TPO: variants seen among roughly 807,000 people sequenced by gnomAD.
The protein encoded by TPO is thyroid peroxidase.
TPO carries 78 observed loss-of-function variants against 96.9 expected under a neutral mutation model. That is an observed-to-expected ratio of 0.81 (90% CI 0.67 to 0.97). The LOEUF (loss-of-function observed/expected upper bound fraction) is 0.97. Among genes scored for constraint, TPO ranks in the 50% least tolerant of loss-of-function variants. TPO has a pLI of 0.00. For missense variants in TPO, 1,252 were observed against 1,274.8 expected (o/e 0.98, Z 0.27); for synonymous variants, 547 against 538.0 (o/e 1.02, Z -0.23).
rs555712648 is a variant in TPO, at chr2:1,503,713, AGT to A, written c.2387-229_2387-228del. On this transcript the variant is annotated intron_variant, in intron 13 of 16. Transcript: ENST00000329066. ...TGTGACTCGGGCCTGAGTGAGCCCC[AGT>A]GTGTGGACTCCCTGCAGGCTCAGAG... 4.1e-5 allele frequency: 30 copies of A among 733,174 alleles called. No homozygotes were observed. In the Middle Eastern group the frequency reaches 1.1e-3, roughly 26 times the overall value. 45.4% of individuals were successfully genotyped at this position (733,174 alleles called of 1,614,324 possible).
intron 11 of TPO, among the ~76,000 whole-genome samples, chr2:1,495,611 C>T (rs1177501366): frequency 6.6e-6 from 1 of 152,238 alleles, no homozygotes; most frequent in Non-Finnish European, 1.5e-5. Flanking sequence ...AGCAAAGTGG[C>T]TCTGAGCCCC....
intron 14 of TPO, chr2:1,513,393 A>G (rs60603183): frequency 0.39 from 60,084 of 152,136 alleles, 11,970 homozygotes; most frequent in East Asian, 0.55. Context: ...ACCAGGGCCC[A>G]TGTCTGAGAG....
chr2:1,441,813 G>A (rs915299969), intron 5 of TPO, among the ~76,000 whole-genome samples: 1 of 152,172 alleles, frequency 6.6e-6, no homozygotes, highest in African/African-American at 2.4e-5. Context: ...GTTTTAGTGT[G>A]TAGCTTGGCA....
At chr2:1,529,900 T>G (rs1677656116) in intron 15 of TPO, among the ~76,000 whole-genome samples, 1 of 101,538 alleles carries the variant, frequency 9.8e-6, no homozygotes, top group Non-Finnish European at 1.9e-5. Flanking sequence ...TCCCTCCCAC[T>G]CTGTGCAAAC....
intron 1 of TPO, among the ~76,000 whole-genome samples, chr2:1,397,575 G>A (rs748754440): frequency 2.0e-5 from 3 of 152,218 alleles, no homozygotes; most frequent in Non-Finnish European, 2.9e-5. Flanking sequence ...GCCCTCTGCT[G>A]TTCCTGAGTC....
chr2:1,478,172 T>A (rs1213936868), intron 8 of TPO: 4 of 985,350 alleles, frequency 4.1e-6, no homozygotes. Flanking sequence ...ATGACTTTCT[T>A]AAGTATCACA....
At chr2:1,538,252 T>G (rs1680308274) in intron 15 of TPO, among the ~76,000 whole-genome samples, 1 of 152,032 alleles carries the variant, frequency 6.6e-6, no homozygotes. Context: ...TTAGTAAGAG[T>G]GCAGTTAATA....
intron 3 of TPO, among the ~76,000 whole-genome samples, chr2:1,431,775 A>C (rs753281636): frequency 1.3e-5 from 2 of 152,248 alleles, no homozygotes; most frequent in Non-Finnish European, 2.9e-5. Context: ...GTTATTATTA[A>C]TAAACAAAAA....
At chr2:1,390,783 A>T (rs1661987625) in intron 1 of TPO, among the ~76,000 whole-genome samples, 1 of 152,232 alleles carries the variant, frequency 6.6e-6, no homozygotes, top group East Asian at 1.9e-4. Flanking sequence ...TCTGATGAAC[A>T]GTGACAATGA....
chr2:1,414,520 T>C lies in TPO; in HGVS notation c.94+18T>C. 6 of 1,610,034 alleles carry C rather than the reference T, an allele frequency of 3.7e-6. No homozygotes were observed. Among genetic ancestry groups the C allele is most frequent in the Non-Finnish European group, 5.1e-6 (6 of 1,176,870 alleles). On this transcript the variant is annotated intron_variant, in intron 2 of 16. Transcript: ENST00000329066. ...CCTTTGGGGTAAGTAGCAAACACAT[T>C]GCGGTCTTCTGGCCTTATAAAGTTA...
At chr2:1,481,429 G>C (rs937826329) in intron 8 of TPO, among the ~76,000 whole-genome samples, 2 of 152,230 alleles carry the variant, frequency 1.3e-5, no homozygotes, top group Admixed American at 1.3e-4. Context: ...TCTATGCCCC[G>C]GCCATCAGAT....
At position 1,532,140 on chromosome 2, in the gene TPO, C is replaced by T. The variant is rs552756752; in HGVS notation, c.2619-8454C>T. 4.0e-5 allele frequency among the ~76,000 whole-genome samples: 5 copies of T among 125,384 alleles called. No homozygotes were observed. The East Asian group carries it at 1.3e-3, about 34-fold the overall frequency. The allele number at this position is 125,384 out of a possible 152,430, so 82.3% of individuals were successfully genotyped here. On this transcript the variant is annotated intron_variant, in intron 15 of 16. Transcript: ENST00000329066. ...CCCACTGTGCGCAACCTCCTCTAAT[C>T]CCCTCACTGTGTGCAACCTACACAA...
intron 15 of TPO, among the ~76,000 whole-genome samples, chr2:1,527,583 C>A (rs1676884584): frequency 6.7e-6 from 1 of 149,858 alleles, no homozygotes; most frequent in East Asian, 2.1e-4. Flanking sequence ...TGTGCAACCT[C>A]CTCACATCCC....
chr2:1,397,013 A>G (rs1662091673), intron 1 of TPO, among the ~76,000 whole-genome samples: 1 of 151,360 alleles, frequency 6.6e-6, no homozygotes, highest in Non-Finnish European at 1.5e-5. Context: ...GAGACTTGCT[A>G]TCCGTTCCAG....
intron 15 of TPO, among the ~76,000 whole-genome samples, chr2:1,534,450 G>T (rs1164532893): frequency 1.4e-5 from 1 of 72,220 alleles, no homozygotes; most frequent in East Asian, 4.9e-4. Flanking sequence ...TACCCCCAGT[G>T]CAATCTCAAA....
At position 1,447,924 on chromosome 2, in the gene TPO, A is replaced by G. The variant is rs957112970; in HGVS notation, c.483-5770A>G. ...GAACCTGAGTTAAACAATTAGCCACATTTCTCTTTAAGCCTACTGAGAAAA... is the reference window on the plus strand; with the variant it reads ...GAACCTGAGTTAAACAATTAGCCACGTTTCTCTTTAAGCCTACTGAGAAAA... On this transcript the variant is annotated intron_variant, in intron 5 of 16. Coordinates refer to ENST00000329066, the MANE Select transcript of TPO (RefSeq NM_001206744.2). 8.5e-5 allele frequency among the ~76,000 whole-genome samples: 13 copies of G among 152,248 alleles called. No individual in the cohort carries two copies. In the East Asian group the frequency reaches 2.5e-3, roughly 29 times the overall value.
At chr2:1,475,448 G>C (rs1378250815) in intron 7 of TPO, among the ~76,000 whole-genome samples, 3 of 151,206 alleles carry the variant, frequency 2.0e-5, no homozygotes, top group Non-Finnish European at 4.4e-5. Flanking sequence ...TTTTGAGACG[G>C]AATCTCGCTC....
intron 15 of TPO, among the ~76,000 whole-genome samples, chr2:1,537,031 T>A (rs1679862547): frequency 8.2e-5 from 1 of 12,226 alleles, no homozygotes; most frequent in Non-Finnish European, 1.2e-4. Context: ...CGTCCTCAAA[T>A]ACCCCCACTG....
intron 16 of TPO, chr2:1,541,362 G>GTTTT: frequency 5.0e-6 from 1 of 201,116 alleles, no homozygotes; most frequent in Non-Finnish European, 9.0e-6. Context: ...AAAACAATAG[G>GTTTT]TTTTTTTTTT....
Sources: allele counts gnomAD v4.1 joint callset (sites outside exome capture counted in the v4.1 genomes callset), GRCh38; gene constraint gnomAD v4.1.1; transcripts MANE v1.5; gene names NCBI Gene and HGNC (gene_info 2026-07-23, HGNC 2026-07-21).